CLMN: variants seen among roughly 807,000 people sequenced by gnomAD.
The protein encoded by CLMN is calmin, also known as calmin (calponin-like, transmembrane).
Under a neutral mutation model 92.7 loss-of-function variants are expected in CLMN, and 57 were observed. That is an observed-to-expected ratio of 0.61 (90% CI 0.50 to 0.77). CLMN has a LOEUF of 0.77. Ranked by LOEUF, CLMN falls within the 30% of genes least tolerant of loss-of-function variation. The pLI, the probability that CLMN is intolerant of heterozygous loss-of-function variation, is 0.00. For missense variants in CLMN, 1,158 were observed against 1,237.5 expected, an observed-to-expected ratio of 0.94 and a Z score of 0.96; for synonymous variants, 466 against 470.6, an observed-to-expected ratio of 0.99 and a Z score of 0.13.
At chr14:95,199,911 G>A (rs1896829055) in intron 9 of CLMN, among the ~76,000 whole-genome samples, 1 of 152,106 alleles carries the variant, frequency 6.6e-6, no homozygotes, top group Non-Finnish European at 1.5e-5. Flanking sequence ...GGGGTGGGTG[G>A]CCAGGTTAGA....
intron 1 of CLMN, among the ~76,000 whole-genome samples, chr14:95,299,859 T>G (rs1900970199): frequency 6.6e-6 from 1 of 152,224 alleles, no homozygotes; most frequent in Non-Finnish European, 1.5e-5. Context: ...TCAATAGTTC[T>G]TTCATTTTTC....
rs904429071 is a variant in CLMN, at chr14:95,306,467, C to T, written c.82+13244G>A. Among the ~76,000 whole-genome samples the T allele has an allele frequency of 4.0e-5, 6 of 151,546 alleles. No individual in the cohort carries two copies. The East Asian group carries it at 9.7e-4, about 24-fold the overall frequency. On this transcript the variant is annotated intron_variant, in intron 1 of 12. Coordinates refer to ENST00000298912, the MANE Select transcript of CLMN (RefSeq NM_024734.4). ...CCAAAAGGCAGAGGTTGCAGTGAGC[C>T]GAGATCATACCACTGCACAGAGACA...
Position 95,215,809 on chromosome 14 carries a change from CTCTCTCTGTGTGTGTGTG to C in CLMN, c.325-94_325-77del. On this transcript the variant is annotated intron_variant, in intron 4 of 12. Transcript: ENST00000298912. ...CATATGTTATTTTCTGGTTCTCTCT[CTCTCTCTGTGTGTGTGTG>C]TGTGTGTGTGTGTGTGTGTGTGTGT... 8.5e-6 allele frequency: 8 copies of C among 936,962 alleles called. No homozygotes were observed. The Admixed American group carries it at 1.2e-4, about 14-fold the overall frequency. The allele number at this position is 936,962 out of a possible 1,614,324, so 58.0% of individuals were successfully genotyped here. A position where few individuals can be genotyped will look rare whatever the true frequency, so the allele number is the denominator to read the frequency against.
In CLMN at chr14:95,221,893, G is replaced by A. The variant is rs1374100524; in HGVS notation, c.241-119C>T. 5.2e-6 allele frequency: 5 copies of A among 958,580 alleles called. No homozygotes were observed. In the East Asian group the frequency reaches 1.3e-4, roughly 25 times the overall value. 59.4% of individuals were successfully genotyped at this position (958,580 alleles called of 1,614,324 possible). A position where few individuals can be genotyped will look rare whatever the true frequency, so the allele number is the denominator to read the frequency against. On this transcript the variant is annotated intron_variant, in intron 3 of 12. Coordinates refer to ENST00000298912, the MANE Select transcript of CLMN (RefSeq NM_024734.4). Reference sequence around the variant, plus strand: ...ACATGAATTTCAAGAAAAAGTTAGGGGCTCACAGCTAAAACCCACCTGGAA... The same window carrying A: ...ACATGAATTTCAAGAAAAAGTTAGGAGCTCACAGCTAAAACCCACCTGGAA...
Position 95,203,692 on chromosome 14 carries a change from C to G in CLMN, c.1657G>C (p.Gly553Arg). The G allele has an allele frequency of 6.2e-7, 1 of 1,614,086 alleles. No individual in the cohort carries two copies. The highest frequency in any genetic ancestry group is 1.1e-5 in the South Asian group (1 of 91,078). ...AATGGGATGGCTTCAAAATAGTCTC[C>G]CTCCTCTAAAGCTTCTACAGTCATC... is the stretch of plus-strand genomic sequence containing the variant. Reference protein sequence around the residue: ...NLMTVEALEEGDYFEAIPLKA... With the variant: ...NLMTVEALEERDYFEAIPLKA... Residue 553 changes from glycine to arginine, a missense_variant, in exon 9 of 13, where the codon GGA becomes CGA. Coordinates refer to ENST00000298912, the MANE Select transcript of CLMN (RefSeq NM_024734.4).
At chr14:95,287,529 G>A (rs1425783164) in intron 1 of CLMN, among the ~76,000 whole-genome samples, 4 of 152,176 alleles carry the variant, frequency 2.6e-5, no homozygotes, top group African/African-American at 7.2e-5. Context: ...TGCCATGGTT[G>A]TTAAACTTGA....
intron 1 of CLMN, among the ~76,000 whole-genome samples, chr14:95,268,996 G>A (rs188987200): frequency 6.6e-6 from 1 of 151,392 alleles, no homozygotes. Flanking sequence ...CAGAGACAGG[G>A]TTTCACCATA....
At chr14:95,302,465 G>C (rs1901101400) in intron 1 of CLMN, among the ~76,000 whole-genome samples, 1 of 151,444 alleles carries the variant, frequency 6.6e-6, no homozygotes, top group African/African-American at 2.4e-5. Flanking sequence ...TATATATAAA[G>C]TCAAAAGAAA....
Position 95,194,041 on chromosome 14 carries a change from C to G in CLMN, c.2770-122G>C, listed in dbSNP as rs1011283190. 1 of 1,496,066 alleles carries G rather than the reference C, an allele frequency of 6.7e-7. No individual in the cohort carries two copies. The highest frequency in any genetic ancestry group is 8.9e-7 in the Non-Finnish European group (1 of 1,126,998). 92.7% of individuals were successfully genotyped at this position (1,496,066 alleles called of 1,614,324 possible). ...GAGCATGCCGGGCATTTCTCAATACCGCCAGCGTCTAGATCCAAAATCAAA... is the reference window on the plus strand; with the variant it reads ...GAGCATGCCGGGCATTTCTCAATACGGCCAGCGTCTAGATCCAAAATCAAA... On this transcript the variant is annotated intron_variant, in intron 11 of 12. Transcript: ENST00000298912. This position sits in a 1 kb window ranked among gnomAD's most constrained non-coding sequence, Gnocchi z 4.0.
chr14:95,290,798 G>A (rs746735959), intron 1 of CLMN, among the ~76,000 whole-genome samples: 8 of 152,264 alleles, frequency 5.3e-5, no homozygotes, highest in Non-Finnish European at 7.4e-5. Flanking sequence ...TTCAGCTCCC[G>A]AGCGTCAGAA....
In CLMN at chr14:95,203,316, T is replaced by A. The variant is rs1896942149; in HGVS notation, c.2033A>T (p.Asp678Val). 6.2e-7 allele frequency: 1 copy of A among 1,613,738 alleles called. No individual in the cohort carries two copies. Among genetic ancestry groups the A allele is most frequent in the African/African-American group, 1.3e-5 (1 of 74,852 alleles). ...PHYEEEGEDDDLQGVGEELSS... is the reference protein window; with the variant it reads ...PHYEEEGEDDVLQGVGEELSS... Reference sequence around the variant, plus strand: ...TAATTCCTCGCCCACACCCTGGAGGTCATCGTCTTCTCCCTCTTCCTCATA... The same window carrying A: ...TAATTCCTCGCCCACACCCTGGAGGACATCGTCTTCTCCCTCTTCCTCATA... The change falls in exon 9 of 13, where the codon GAC (aspartate) becomes GTC (valine). Residue 678 changes from aspartate to valine, a missense_variant. By Grantham distance (152) the Asp-to-Val change is radical. Transcript: ENST00000298912.
Position 95,246,165 on chromosome 14 carries a change from T to C in CLMN, c.83-16032A>G, listed in dbSNP as rs907581876. 9.9e-5 allele frequency among the ~76,000 whole-genome samples: 15 copies of C among 152,070 alleles called. 1 individual carries two copies. The highest frequency in any genetic ancestry group is 4.6e-4 in the Admixed American group (7 of 15,272). The stretch of plus-strand genomic sequence containing the variant: ...TGCTTTTCATATGAAAACCGAACAA[T>C]CCAGAGCCCACACCTTTCCCTTCCT... On this transcript the variant is annotated intron_variant, in intron 1 of 12. Transcript: ENST00000298912.
At chr14:95,244,361 C>A (rs28465092) in intron 1 of CLMN, among the ~76,000 whole-genome samples, 35,163 of 152,014 alleles carry the variant, frequency 0.23, 5,278 homozygotes, top group African/African-American at 0.42. Flanking sequence ...TTTTCAGATA[C>A]TGAACTGAAA....
intron 11 of CLMN, 47 bp from the exon 12 acceptor site, chr14:95,193,966 A>C (rs201002777): frequency 2.5e-6 from 4 of 1,600,840 alleles, no homozygotes; most frequent in Non-Finnish European, 3.4e-6. Context: ...CAATTAGTAA[A>C]GATGAAATCT....
At chr14:95,248,441 G>T (rs577539560) in intron 1 of CLMN, among the ~76,000 whole-genome samples, 2 of 152,276 alleles carry the variant, frequency 1.3e-5, no homozygotes, top group South Asian at 4.1e-4. Flanking sequence ...TCGAAGAAAT[G>T]AGAGCGAGGT....
At chr14:95,289,323 T>C (rs1004866557) in intron 1 of CLMN, among the ~76,000 whole-genome samples, 1 of 152,058 alleles carries the variant, frequency 6.6e-6, no homozygotes, top group African/African-American at 2.4e-5. Context: ...AAACTCCATC[T>C]CTGCTAAAAA....
At chr14:95,258,544 T>G (rs1383499409) in intron 1 of CLMN, among the ~76,000 whole-genome samples, 1 of 144,854 alleles carries the variant, frequency 6.9e-6, no homozygotes, top group East Asian at 2.1e-4. Context: ...AGGATGTGTT[T>G]GTATGTGTGG....
intron 1 of CLMN, among the ~76,000 whole-genome samples, chr14:95,271,509 G>A (rs955615713): frequency 6.6e-5 from 10 of 152,140 alleles, no homozygotes; most frequent in Non-Finnish European, 1.5e-4. Context: ...TTGGTCTGAA[G>A]ATACAAATGA....
In CLMN at chr14:95,230,100, G is replaced by T. The variant is rs1168833694; in HGVS notation, c.116C>A (p.Thr39Lys). ...ERENVQKRTFTRWINLHLEKC... is the reference protein window; with the variant it reads ...ERENVQKRTFKRWINLHLEKC... ...TTCTAGATGTAGATTTATCCATCGT[G>T]TAAAGGTCCTCTTCTGCACATTTTC... Residue 39 changes from threonine (T) to lysine (K), a missense_variant, in exon 2 of 13, where the codon ACA becomes AAA. Physicochemically the swap from Thr to Lys is moderately conservative, Grantham distance 78. Coordinates refer to ENST00000298912, the MANE Select transcript of CLMN (RefSeq NM_024734.4). The T allele has an allele frequency of 6.2e-7, 1 of 1,614,158 alleles. No homozygotes were observed. Among genetic ancestry groups the T allele is most frequent in the Non-Finnish European group, 8.5e-7 (1 of 1,180,016 alleles).
Sources: allele counts gnomAD v4.1 joint callset (sites outside exome capture counted in the v4.1 genomes callset), GRCh38; gene constraint gnomAD v4.1.1; non-coding constraint Gnocchi (gnomAD v3.1); transcripts MANE v1.5; gene names NCBI Gene and HGNC (gene_info 2026-07-23, HGNC 2026-07-21).